Variants in GABRG2 observed in about 807,000 individuals in gnomAD.
GABRG2 encodes gamma-aminobutyric acid type A receptor subunit gamma2.
Under a neutral mutation model 56.4 loss-of-function variants are expected in GABRG2, and 16 were observed. The ratio of observed to expected loss-of-function variants is 0.28; its 90% CI spans 0.19 to 0.43. The LOEUF (loss-of-function observed/expected upper bound fraction) is 0.43, where lower values mean the gene tolerates loss of function less well. Among genes scored for constraint, GABRG2 ranks in the 20% least tolerant of loss-of-function variants. The pLI, the probability that GABRG2 is intolerant of heterozygous loss-of-function variation, is 1.00. For synonymous variants in GABRG2, 208 were observed against 205.5 expected, an observed-to-expected ratio of 1.01 and a Z score of -0.10; for missense variants, 327 against 582.7, an observed-to-expected ratio of 0.56 and a Z score of 4.52.
intron 8 of GABRG2, 187 bp from the exon 9 acceptor site, chr5:162,151,543 A>T: frequency 1.9e-6 from 1 of 534,470 alleles, no homozygotes; most frequent in Non-Finnish European, 3.3e-6. Flanking sequence ...AATTACACTT[A>T]ACTTTAAGCA....
chr5:162,150,756 A>G (rs1171458225), intron 8 of GABRG2: 1 of 152,228 alleles, frequency 6.6e-6, no homozygotes, highest in African/African-American at 2.4e-5. Flanking sequence ...TACAAGAGTA[A>G]TGTGTTTATT....
Position 162,149,333 on chromosome 5 carries a change from G to A in GABRG2, c.1128+20G>A. ...AACCCTGTATGTATCATTTTCCATT[G>A]GCACCATTGAAATTTTTATGATTTC... On this transcript the variant is annotated intron_variant, in intron 8 of 9. Coordinates refer to ENST00000639213, the MANE Select transcript of GABRG2 (RefSeq NM_198904.4). 1 of 1,610,652 alleles carries A rather than the reference G, an allele frequency of 6.2e-7. No individual in the cohort carries two copies. The highest frequency in any genetic ancestry group is 1.1e-5 in the South Asian group (1 of 90,870).
chr5:162,075,944 G>T (rs1759067344), intron 1 of GABRG2, among the ~76,000 whole-genome samples: 1 of 151,678 alleles, frequency 6.6e-6, no homozygotes, highest in South Asian at 2.1e-4. Context: ...CTTGTGCCCA[G>T]GCATTCCAAA....
intron 1 of GABRG2, among the ~76,000 whole-genome samples, chr5:162,082,897 G>A (rs764221355): frequency 2.0e-5 from 3 of 151,542 alleles, no homozygotes; most frequent in Non-Finnish European, 3.0e-5. Flanking sequence ...ATAAAGAGTC[G>A]ATGAAAACTT....
intron 8 of GABRG2, chr5:162,150,003 A>G (rs1765252603): frequency 5.7e-6 from 1 of 176,484 alleles, no homozygotes. Flanking sequence ...TGAAGTTTCA[A>G]GGCTGACTAC....
chr5:162,111,562 A>G (rs1762255517), intron 6 of GABRG2, among the ~76,000 whole-genome samples: 1 of 152,180 alleles, frequency 6.6e-6, no homozygotes, highest in Non-Finnish European at 1.5e-5. Flanking sequence ...AGGTTGGGAA[A>G]TGTAGCTCAA....
At chr5:162,100,488 A>G (rs1046849867) in intron 4 of GABRG2, 5 of 152,170 alleles carry the variant, frequency 3.3e-5, no homozygotes, top group Non-Finnish European at 5.9e-5. Flanking sequence ...TTTGACTTTC[A>G]AATCTTCTCC....
intron 6 of GABRG2, among the ~76,000 whole-genome samples, chr5:162,123,307 T>A (rs992331487): frequency 6.6e-5 from 10 of 151,768 alleles, no homozygotes; most frequent in Middle Eastern, 3.2e-3. Flanking sequence ...TTGGAATTAG[T>A]CATGGATAAG....
In GABRG2 at chr5:162,154,509, T is replaced by C. The variant is rs1336638004; in HGVS notation, c.*1141T>C. 6.6e-6 allele frequency: 1 copy of C among 152,200 alleles called. No homozygotes were observed. The highest frequency in any genetic ancestry group is 1.5e-5 in the Non-Finnish European group (1 of 68,038). 9.4% of individuals were successfully genotyped at this position (152,200 alleles called of 1,614,324 possible). ...TTCTCACATAGGTGTTGTCAAGTGA[T>C]ATTTGATTTTGTAAAAATAACCAGT... On this transcript the variant is annotated 3_prime_UTR_variant, in exon 10 of 10. Coordinates refer to ENST00000639213, the MANE Select transcript of GABRG2 (RefSeq NM_198904.4).
intron 1 of GABRG2, among the ~76,000 whole-genome samples, chr5:162,088,442 G>T (rs1322284925): frequency 6.6e-6 from 1 of 152,148 alleles, no homozygotes; most frequent in Non-Finnish European, 1.5e-5. Flanking sequence ...AAATGAGGCA[G>T]ATGATCACAT....
chr5:162,087,849 G>T, intron 1 of GABRG2, among the ~76,000 whole-genome samples: 1 of 151,976 alleles, frequency 6.6e-6, no homozygotes. Context: ...TAAACAATTT[G>T]CATTTTATAT....
At chr5:162,091,790 T>C (rs1408013042) in intron 1 of GABRG2, among the ~76,000 whole-genome samples, 1 of 152,154 alleles carries the variant, frequency 6.6e-6, no homozygotes, top group Non-Finnish European at 1.5e-5. Flanking sequence ...ACAGCACCAT[T>C]ATACTTGACT....
At chr5:162,113,742 A>G (rs1340427519) in intron 6 of GABRG2, among the ~76,000 whole-genome samples, 1 of 152,234 alleles carries the variant, frequency 6.6e-6, no homozygotes, top group African/African-American at 2.4e-5. Context: ...GTTATGTAGT[A>G]TCAAAGACAA....
intron 6 of GABRG2, among the ~76,000 whole-genome samples, chr5:162,132,902 T>C (rs2113546186): frequency 6.6e-6 from 1 of 152,110 alleles, no homozygotes; most frequent in African/African-American, 2.4e-5. Flanking sequence ...AAAAGAATAT[T>C]TTGTTACCTT....
chr5:162,078,670 G>C (rs1241473418), intron 1 of GABRG2, among the ~76,000 whole-genome samples: 4 of 151,406 alleles, frequency 2.6e-5, no homozygotes, highest in African/African-American at 9.7e-5. Context: ...CTCCCAAAAT[G>C]CTGGGATTAC....
At position 162,136,866 on chromosome 5, in the gene GABRG2, A is replaced by T. The variant is rs529848474; in HGVS notation, c.770-5298A>T. 4.6e-5 allele frequency among the ~76,000 whole-genome samples: 7 copies of T among 151,870 alleles called. No homozygotes were observed. The South Asian group carries it at 1.5e-3, about 32-fold the overall frequency. ...ATTAGCATGTGTCTGTTATATGAGA[A>T]CTCTTGTGCCATTATGCAGCAGTGA... On this transcript the variant is annotated intron_variant, in intron 6 of 9. Coordinates refer to ENST00000639213, the MANE Select transcript of GABRG2 (RefSeq NM_198904.4).
chr5:162,113,049 C>T (rs1401288522), intron 6 of GABRG2, among the ~76,000 whole-genome samples: 3 of 151,954 alleles, frequency 2.0e-5, no homozygotes, highest in African/African-American at 4.8e-5. Context: ...CCTCCCAGTT[C>T]GTGCCTCAGC....
At chr5:162,072,014 G>A (rs944146368) in intron 1 of GABRG2, among the ~76,000 whole-genome samples, 4 of 151,878 alleles carry the variant, frequency 2.6e-5, no homozygotes, top group Non-Finnish European at 5.9e-5. Context: ...CACCTGAATT[G>A]TAGGCAGAAG....
At chr5:162,109,914 G>A (rs1762138322) in intron 6 of GABRG2, among the ~76,000 whole-genome samples, 1 of 151,862 alleles carries the variant, frequency 6.6e-6, no homozygotes, top group Non-Finnish European at 1.5e-5. Context: ...CCATCATAAC[G>A]AATCACAAGG....
Sources: gnomAD v4.1 joint callset for allele counts (sites outside exome capture counted in the v4.1 genomes callset) on GRCh38, gnomAD v4.1.1 for gene constraint, MANE v1.5 for transcripts, NCBI Gene and HGNC (gene_info 2026-07-23, HGNC 2026-07-21) for gene names.